The following PCDHA8 variants were observed in gnomAD, a reference collection of about 807,000 sequenced individuals.
PCDHA8 encodes the protein protocadherin alpha 8.
A neutral mutation model predicts 61.8 loss-of-function variants in PCDHA8; 53 were observed. The ratio of observed to expected loss-of-function variants is 0.86; its 90% CI spans 0.69 to 1.08. The LOEUF (loss-of-function observed/expected upper bound fraction) is 1.08. PCDHA8 is among the 50% of genes least tolerant of loss of function. PCDHA8 has a pLI of 0.00. For missense variants in PCDHA8, 1,293 were observed against 1,245.0 expected (o/e 1.04, Z -0.58); for synonymous variants, 618 against 556.6 (o/e 1.11, Z -1.55).
chr5:140,935,051 C>T (rs1554210307), intron 1 of PCDHA8, among the ~76,000 whole-genome samples: 1 of 152,096 alleles, frequency 6.6e-6, no homozygotes, highest in African/African-American at 2.4e-5. Context: ...TCTGGTATTA[C>T]AAGATGTTCA....
At chr5:140,989,410 C>T (rs568177388) in intron 3 of PCDHA8, among the ~76,000 whole-genome samples, 1 of 152,230 alleles carries the variant, frequency 6.6e-6, no homozygotes, top group South Asian at 2.1e-4. Context: ...GGAGAGTCTG[C>T]ACTTCACTCT....
chr5:140,961,760 A>G (rs1563318527), intron 1 of PCDHA8, among the ~76,000 whole-genome samples: 3 of 152,172 alleles, frequency 2.0e-5, no homozygotes. Context: ...TTTTGAAGGA[A>G]TTTATATCAA....
Position 141,010,240 on chromosome 5 carries a change from G to A in PCDHA8, c.*303G>A. The A allele has an allele frequency of 6.4e-7, 1 of 1,551,928 alleles. No homozygotes were observed. The highest frequency in any genetic ancestry group is 8.7e-7 in the Non-Finnish European group (1 of 1,147,042). ...GGCTTCCCAGCCCCGCCAGTGAGAGGTTGGACTCTCTGCCCTGTGCTCCGG... is the reference window on the plus strand; with the variant it reads ...GGCTTCCCAGCCCCGCCAGTGAGAGATTGGACTCTCTGCCCTGTGCTCCGG... On this transcript the variant is annotated 3_prime_UTR_variant, in exon 4 of 4. Coordinates refer to ENST00000531613, the MANE Select transcript of PCDHA8 (RefSeq NM_018911.3).
At chr5:140,883,904 G>C in intron 1 of PCDHA8, 1 of 1,613,344 alleles carries the variant, frequency 6.2e-7, no homozygotes, top group Non-Finnish European at 8.5e-7. Context: ...GCCGCCTCTG[G>C]GCAGCAACGT....
At chr5:140,927,033 G>T in intron 1 of PCDHA8, 1 of 1,612,344 alleles carries the variant, frequency 6.2e-7, no homozygotes, top group Non-Finnish European at 8.5e-7. Context: ...GGCTGCCAGC[G>T]GCCGCTATGT....
chr5:140,841,199 A>G lies in PCDHA8; in HGVS notation c.-123A>G. 1.6e-6 allele frequency: 2 copies of G among 1,287,918 alleles called. No individual in the cohort carries two copies. The highest frequency in any genetic ancestry group is 3.0e-5 in the South Asian group (2 of 66,292). The allele number at this position is 1,287,918 out of a possible 1,614,324, so 79.8% of individuals were successfully genotyped here. On this transcript the variant is annotated 5_prime_UTR_variant, in exon 1 of 4. Transcript: ENST00000531613. ...CAATGTTCAAAGTCTTTTCTCTGAC[A>G]GCATCTGTCTCTAAAGGCCGAACAA...
intron 3 of PCDHA8, among the ~76,000 whole-genome samples, chr5:141,007,302 G>A (rs1211833053): frequency 6.7e-6 from 1 of 150,298 alleles, no homozygotes; most frequent in Non-Finnish European, 1.5e-5. Context: ...TGTAATCTTA[G>A]CATTTTGGGA....
intron 1 of PCDHA8, chr5:140,851,041 G>A (rs1162904841): frequency 3.6e-6 from 5 of 1,393,834 alleles, no homozygotes; most frequent in Non-Finnish European, 4.7e-6. Context: ...TAACATTGGA[G>A]CCGACTTTGT....
At position 140,850,532 on chromosome 5, in the gene PCDHA8, G is replaced by A. The variant is rs140380568; in HGVS notation, c.2394+6817G>A. 9.4e-6 allele frequency: 15 copies of A among 1,598,364 alleles called. 1 individual carries two copies. Among genetic ancestry groups the A allele is most frequent in the Admixed American group, 6.7e-5 (4 of 59,316 alleles). ...AGAGCGGCCAGGCGCCAAAGTCATC[G>A]TCGCGGGCGTCAGTGGGTGCCACGG... On this transcript the variant is annotated intron_variant, in intron 1 of 3. Transcript: ENST00000531613.
chr5:140,876,723 C>A (rs782820769), intron 1 of PCDHA8: 15 of 1,614,132 alleles, frequency 9.3e-6, no homozygotes, highest in East Asian at 2.2e-5. Context: ...ACCGCGAGAG[C>A]GTGTCGGCCT....
intron 1 of PCDHA8, chr5:140,850,325 G>A (rs1554144196): frequency 2.5e-6 from 4 of 1,597,604 alleles, no homozygotes; most frequent in Non-Finnish European, 1.7e-6. Context: ...TTTCATACGA[G>A]CTGCAGCCAG....
rs1554204607 is a variant in PCDHA8 at position 140,927,485 on chromosome 5, C to G, written c.2395-51464C>G. On this transcript the variant is annotated intron_variant, in intron 1 of 3. Transcript: ENST00000531613. ...GCACTGGATCGCGAACAGCGCGCCA[C>G]CCACCTGCTGGTGCTTACAGCTCGG... is the stretch of plus-strand genomic sequence containing the variant. The G allele has an allele frequency of 2.5e-6, 4 of 1,614,098 alleles. No individual in the cohort carries two copies. In the Admixed American group the frequency reaches 6.7e-5, roughly 27 times the overall value.
At chr5:140,882,488 C>T in intron 1 of PCDHA8, 6 of 1,614,074 alleles carry the variant, frequency 3.7e-6, no homozygotes, top group South Asian at 1.1e-5. Context: ...ACACGGGGAC[C>T]TTCTGGAGGT....
chr5:140,849,583 C>T (rs2040974619), intron 1 of PCDHA8: 4 of 1,598,684 alleles, frequency 2.5e-6, no homozygotes, highest in Non-Finnish European at 3.4e-6. Flanking sequence ...AAAGAGGACG[C>T]ACAACTGGGG....
intron 1 of PCDHA8, chr5:140,868,947 A>T: frequency 7.7e-7 from 1 of 1,290,598 alleles, no homozygotes; most frequent in Non-Finnish European, 1.1e-6. Flanking sequence ...CTGAACAGTG[A>T]GGCACTCCCA....
At position 141,009,759 on chromosome 5, in the gene PCDHA8, G is replaced by T. The variant is rs200822345; in HGVS notation, c.2675G>T (p.Gly892Val). The change falls in exon 4 of 4, where the codon GGA becomes GTA. Residue 892 changes from glycine to valine, a missense_variant. By Grantham distance (109) the Gly-to-Val change is moderately radical. Transcript: ENST00000531613. ...GELPDKFIIP[G>V]SPAIISIRQE... ...TTGCCCGACAAATTCATTATCCCAG[G>T]ATCTCCTGCAATCATCTCCATCCGG... The T allele has an allele frequency of 6.7e-5, 108 of 1,614,082 alleles. 1 individual carries two copies. The East Asian group carries it at 2.2e-3, about 33-fold the overall frequency.
At chr5:140,862,414 C>T in intron 1 of PCDHA8, 2 of 351,200 alleles carry the variant, frequency 5.7e-6, no homozygotes, top group South Asian at 2.2e-5. Flanking sequence ...CTTCAAAAGG[C>T]GCTGCCCAGA....
chr5:140,869,030 T>C (rs1049032233), intron 1 of PCDHA8: 5 of 1,526,396 alleles, frequency 3.3e-6, no homozygotes, highest in Non-Finnish European at 4.4e-6. Flanking sequence ...TTCAACGAGA[T>C]TTTTAACCTG....
intron 3 of PCDHA8, among the ~76,000 whole-genome samples, chr5:140,985,773 T>C (rs945442566): frequency 7.2e-6 from 1 of 138,872 alleles, no homozygotes; most frequent in South Asian, 2.4e-4. Context: ...ACAGTCTCGC[T>C]CTGTCGCCCA....
Sources: allele counts gnomAD v4.1 joint callset (sites outside exome capture counted in the v4.1 genomes callset), GRCh38; gene constraint gnomAD v4.1.1; transcripts MANE v1.5; gene names NCBI Gene and HGNC (gene_info 2026-07-23, HGNC 2026-07-21).